Variants in NR3C2 observed in about 807,000 individuals in gnomAD.
NR3C2 encodes mineralocorticoid receptor.
In NR3C2, 15 loss-of-function variants were observed where a neutral mutation model predicts 86.4. That is an observed-to-expected ratio of 0.17 (90% confidence interval 0.12 to 0.27). NR3C2 has a LOEUF of 0.27. Ranked by LOEUF, NR3C2 falls within the 10% of genes least tolerant of loss-of-function variation. The pLI, the probability that NR3C2 is intolerant of heterozygous loss-of-function variation, is 1.00. For missense variants in NR3C2, 960 were observed against 1,195.6 expected, an observed-to-expected ratio of 0.80 and a Z score of 2.91; for synonymous variants, 458 against 450.5, an observed-to-expected ratio of 1.02 and a Z score of -0.21.
chr4:148,428,680 G>A (rs1015395130), intron 2 of NR3C2, among the ~76,000 whole-genome samples: 11 of 152,090 alleles, frequency 7.2e-5, no homozygotes, highest in South Asian at 6.2e-4. Context: ...AAAGATAGAC[G>A]CTTACATAGG....
intron 2 of NR3C2, among the ~76,000 whole-genome samples, chr4:148,294,915 G>GAGTTCA (rs1741973093): frequency 6.6e-6 from 1 of 152,094 alleles, no homozygotes; most frequent in African/African-American, 2.4e-5. Flanking sequence ...TTGAGCCTAG[G>GAGTTCA]AGTTCAAGTT....
At chr4:148,208,450 T>G (rs1445546049) in intron 3 of NR3C2, 1 of 152,268 alleles carries the variant, frequency 6.6e-6, no homozygotes, top group Non-Finnish European at 1.5e-5. Context: ...GTTAATAGGT[T>G]TTGTGCCTCA....
intron 2 of NR3C2, among the ~76,000 whole-genome samples, chr4:148,294,462 T>C (rs1332865543): frequency 1.3e-5 from 2 of 152,192 alleles, no homozygotes; most frequent in African/African-American, 4.8e-5. Context: ...ATACAACCTA[T>C]GTGTTACTAT....
intron 2 of NR3C2, among the ~76,000 whole-genome samples, chr4:148,312,859 CAT>C (rs1430479715): frequency 6.6e-6 from 1 of 152,002 alleles, no homozygotes. Context: ...ATGGGAAAAG[CAT>C]ATGTCTTTAG....
intron 2 of NR3C2, among the ~76,000 whole-genome samples, chr4:148,392,885 ATAGG>A (rs1747661366): frequency 6.6e-6 from 1 of 152,166 alleles, no homozygotes; most frequent in Non-Finnish European, 1.5e-5. Flanking sequence ...AGTATCTTTC[ATAGG>A]TAGTCAGCAG....
chr4:148,405,206 C>G (rs931829949), intron 2 of NR3C2, among the ~76,000 whole-genome samples: 1 of 152,136 alleles, frequency 6.6e-6, no homozygotes, highest in Admixed American at 6.6e-5. Flanking sequence ...TAGAAAGATA[C>G]ACTAGTCTCA....
At chr4:148,203,063 G>A (rs551350892) in intron 3 of NR3C2, among the ~76,000 whole-genome samples, 2 of 152,212 alleles carry the variant, frequency 1.3e-5, no homozygotes, top group African/African-American at 4.8e-5. Context: ...AAGATACAAA[G>A]TATTTAAATA....
intron 2 of NR3C2, among the ~76,000 whole-genome samples, chr4:148,376,096 C>G (rs999333864): frequency 1.4e-5 from 2 of 144,530 alleles, no homozygotes; most frequent in African/African-American, 5.1e-5. Flanking sequence ...AGAATAATAA[C>G]GTTATTCTGC....
At position 148,152,409 on chromosome 4, in the gene NR3C2, A is replaced by T. The variant is rs1278649324; in HGVS notation, c.2510+60T>A. On this transcript the variant is annotated intron_variant, in intron 6 of 8. Transcript: ENST00000358102. ...GTACATCTGTTTAGAAATTACTGAA[A>T]GAAATCATAACGCATAACTCTGCAG... 6 of 1,562,060 alleles carry T rather than the reference A, an allele frequency of 3.8e-6. No individual in the cohort carries two copies. In the East Asian group the frequency reaches 1.3e-4, roughly 35 times the overall value.
upstream of NR3C2, chr4:148,442,745 G>T (rs1750417726): frequency 4.1e-6 from 4 of 985,424 alleles, no homozygotes; most frequent in South Asian, 1.9e-4. Context: ...CGCGGCGGGA[G>T]CTTGGGGTGC....
chr4:148,373,470 C>CTTTTTTTTTTTTTTTTTTTTTTTTTT (rs774726733), intron 2 of NR3C2, among the ~76,000 whole-genome samples: 1 of 129,796 alleles, frequency 7.7e-6, no homozygotes, highest in African/African-American at 3.2e-5. Flanking sequence ...TAAAGGATGA[C>CTTTTTTTTTTTTTTTTTTTTTTTTTT]TTTTTTTTTC....
intron 2 of NR3C2, among the ~76,000 whole-genome samples, chr4:148,351,907 G>A (rs1745299941): frequency 6.6e-6 from 1 of 152,030 alleles, no homozygotes; most frequent in African/African-American, 2.4e-5. Flanking sequence ...CTTAAGCCTT[G>A]GCTGGTTATG....
chr4:148,297,727 A>G lies in NR3C2; in HGVS notation c.1758-37610T>C, dbSNP rs116210925. Among the ~76,000 whole-genome samples, 905 of 152,304 alleles carry G rather than the reference A, an allele frequency of 5.9e-3. 7 individuals are homozygous for G. Among genetic ancestry groups the G allele is most frequent in the African/African-American group, 0.021 (856 of 41,562 alleles). On this transcript the variant is annotated intron_variant, in intron 2 of 8. Transcript: ENST00000358102. ...GGCTTCCAAAAAAAGATCTGACAAC[A>G]TAGCTTATTCTGAAGAAAAACCTTC... is the stretch of plus-strand genomic sequence containing the variant.
chr4:148,282,221 G>C (rs1013245541), intron 2 of NR3C2, among the ~76,000 whole-genome samples: 1 of 152,014 alleles, frequency 6.6e-6, no homozygotes, highest in Non-Finnish European at 1.5e-5. Flanking sequence ...GTACAGACAG[G>C]GTTTCACCAT....
intron 4 of NR3C2, among the ~76,000 whole-genome samples, chr4:148,177,180 T>C (rs1194369342): frequency 6.6e-6 from 1 of 152,254 alleles, no homozygotes; most frequent in Non-Finnish European, 1.5e-5. Context: ...TTTATTGCAA[T>C]TTATTACAAA....
intron 2 of NR3C2, among the ~76,000 whole-genome samples, chr4:148,312,611 A>G (rs1421931138): frequency 3.3e-5 from 5 of 152,134 alleles, no homozygotes; most frequent in African/African-American, 1.2e-4. Context: ...GCCACCTGCA[A>G]AAGTATACTG....
At chr4:148,186,179 C>T (rs1735881187) in intron 4 of NR3C2, among the ~76,000 whole-genome samples, 1 of 152,172 alleles carries the variant, frequency 6.6e-6, no homozygotes, top group Non-Finnish European at 1.5e-5. Context: ...AATAACATCT[C>T]ATTACATTTT....
In NR3C2 at chr4:148,347,182, G is replaced by A. The variant is rs1579188279; in HGVS notation, c.1758-87065C>T. On this transcript the variant is annotated intron_variant, in intron 2 of 8. Transcript: ENST00000358102. ...ATAAGTGAAAAATAACTATATTACTGTAATTTAATTTTCCTGCATTTTATG... is the reference window on the plus strand; with the variant it reads ...ATAAGTGAAAAATAACTATATTACTATAATTTAATTTTCCTGCATTTTATG... Among the ~76,000 whole-genome samples, 3 of 152,054 alleles carry A rather than the reference G, an allele frequency of 2.0e-5. No individual in the cohort carries two copies. In the East Asian group the frequency reaches 5.8e-4, roughly 29 times the overall value.
intron 8 of NR3C2, among the ~76,000 whole-genome samples, chr4:148,083,164 A>G (rs1038632957): frequency 6.6e-6 from 1 of 152,158 alleles, no homozygotes; most frequent in African/African-American, 2.4e-5. Context: ...GCAGACTTAA[A>G]TGTTCCTGCC....
Sources: gnomAD v4.1 joint callset for allele counts (sites outside exome capture counted in the v4.1 genomes callset) on GRCh38, gnomAD v4.1.1 for gene constraint, MANE v1.5 for transcripts, NCBI Gene and HGNC (gene_info 2026-07-23, HGNC 2026-07-21) for gene names.